The following KLHL29 variants were observed in gnomAD, a reference collection of about 807,000 sequenced individuals.
KLHL29 encodes the protein kelch-like protein 29.
In KLHL29, 21 loss-of-function variants were observed where a neutral mutation model predicts 80.4. That is an observed-to-expected ratio of 0.26 (90% CI 0.19 to 0.38). KLHL29 has a LOEUF of 0.38. Ranked by LOEUF, KLHL29 falls within the 10% of genes least tolerant of loss-of-function variation. The pLI, the probability that KLHL29 is intolerant of heterozygous loss-of-function variation, is 1.00. For missense variants in KLHL29, 867 were observed against 1,223.9 expected (o/e 0.71, Z 4.35); for synonymous variants, 511 against 526.8 (o/e 0.97, Z 0.41).
rs1319682261 is a variant in KLHL29 at position 23,696,400 on chromosome 2, C to T, written c.1992C>T (p.Asn664=). ...ACATGTCCCTGCTTGATAACTGGAA[C>T]CTCGTCTCCAGAATGACAGTCCCCC... The part of the protein sequence containing the change: ...WCYMSLLDNW[N]LVSRMTVPRC... The change falls in exon 11 of 14, where the codon AAC becomes AAT. Residue 664 remains asparagine, a synonymous_variant. Coordinates refer to ENST00000486442, the MANE Select transcript of KLHL29 (RefSeq NM_052920.2). This position sits in a 1 kb window ranked among gnomAD's most constrained non-coding sequence, Gnocchi z 5.5. The T allele has an allele frequency of 6.4e-7, 1 of 1,551,510 alleles. No individual in the cohort carries two copies. Among genetic ancestry groups the T allele is most frequent in the Non-Finnish European group, 8.7e-7 (1 of 1,146,860 alleles).
intron 2 of KLHL29, among the ~76,000 whole-genome samples, chr2:23,508,438 G>T (rs930537241): frequency 6.6e-6 from 1 of 152,218 alleles, no homozygotes; most frequent in Non-Finnish European, 1.5e-5. Context: ...GAAGCTCAGG[G>T]CCATGAGGAG....
chr2:23,409,923 G>C (rs1160140031), intron 1 of KLHL29, among the ~76,000 whole-genome samples: 1 of 152,230 alleles, frequency 6.6e-6, no homozygotes, highest in Non-Finnish European at 1.5e-5. Flanking sequence ...CATTTAAAGG[G>C]AGGGTGAGCT....
chr2:23,434,447 C>T (rs1033541996), intron 1 of KLHL29, among the ~76,000 whole-genome samples: 2 of 151,202 alleles, frequency 1.3e-5, no homozygotes, highest in Non-Finnish European at 2.9e-5. Flanking sequence ...AGGCCTTGTG[C>T]AAACCCTCCC....
chr2:23,671,480 T>A (rs1031788939), intron 5 of KLHL29, among the ~76,000 whole-genome samples: 9 of 152,136 alleles, frequency 5.9e-5, no homozygotes, highest in African/African-American at 2.2e-4. Context: ...CACATAGGAA[T>A]TTAGGCTTTG....
intron 1 of KLHL29, among the ~76,000 whole-genome samples, chr2:23,444,727 T>C (rs1202762840): frequency 6.6e-6 from 1 of 152,208 alleles, no homozygotes; most frequent in African/African-American, 2.4e-5. Context: ...ACCAATATTA[T>C]TACTAACAAT....
intron 11 of KLHL29, among the ~76,000 whole-genome samples, chr2:23,701,211 C>T (rs979311971): frequency 8.8e-5 from 2 of 22,702 alleles, no homozygotes; most frequent in African/African-American, 1.6e-4. Context: ...AGCAAACACA[C>T]CCATTCCCCT....
intron 3 of KLHL29, among the ~76,000 whole-genome samples, chr2:23,563,986 C>T (rs1297345086): frequency 1.3e-5 from 2 of 152,256 alleles, no homozygotes; most frequent in African/African-American, 4.8e-5. Flanking sequence ...CCAGTAGGGC[C>T]AGCCGCTGGA....
chr2:23,435,299 C>T (rs962430849), intron 1 of KLHL29, among the ~76,000 whole-genome samples: 1 of 152,102 alleles, frequency 6.6e-6, no homozygotes, highest in African/African-American at 2.4e-5. Flanking sequence ...CCTCAGGATA[C>T]AGGGAGCCGT....
At position 23,562,469 on chromosome 2, in the gene KLHL29, G is replaced by C; in HGVS notation, c.273G>C (p.Ala91=). The part of the protein sequence containing the change: ...ITSLVASSAS[A]VTTKAPGISK... ...GCCTCGTGGCCAGCTCTGCGTCTGC[G>C]GTCACCACCAAGGTAAGATGTGGTG... is the stretch of plus-strand genomic sequence containing the variant. The change falls in exon 3 of 14, where the codon GCG becomes GCC. Residue 91 remains alanine, a synonymous_variant. Coordinates refer to ENST00000486442, the MANE Select transcript of KLHL29 (RefSeq NM_052920.2). The surrounding 1 kb of genome is among the most constrained non-coding windows in gnomAD (Gnocchi z 4.5). The C allele has an allele frequency of 6.5e-7, 1 of 1,535,970 alleles. No homozygotes were observed. The highest frequency in any genetic ancestry group is 8.7e-7 in the Non-Finnish European group (1 of 1,146,738).
At chr2:23,542,074 G>A (rs1666854667) in intron 2 of KLHL29, among the ~76,000 whole-genome samples, 1 of 152,238 alleles carries the variant, frequency 6.6e-6, no homozygotes, top group South Asian at 2.1e-4. Flanking sequence ...ATGGCATTAA[G>A]AAGTCTAAAG....
At chr2:23,536,270 C>T (rs1262248718) in intron 2 of KLHL29, among the ~76,000 whole-genome samples, 1 of 152,174 alleles carries the variant, frequency 6.6e-6, no homozygotes, top group Non-Finnish European at 1.5e-5. Context: ...ACTTTATCGC[C>T]CCAGCAACTC....
At position 23,462,874 on chromosome 2, in the gene KLHL29, C is replaced by T. The variant is rs538424123; in HGVS notation, c.-153-12686C>T. 1.4e-3 allele frequency among the ~76,000 whole-genome samples: 211 copies of T among 152,296 alleles called. 2 individuals are homozygous for T. The highest frequency in any genetic ancestry group is 2.4e-3 in the Non-Finnish European group (160 of 68,028). ...TGCTAACCGGGCATGGTGGCTCACA[C>T]CTGTAATCCCAGCATTTTGGGAGGC... is the stretch of plus-strand genomic sequence containing the variant. On this transcript the variant is annotated intron_variant, in intron 1 of 13. Transcript: ENST00000486442.
intron 5 of KLHL29, among the ~76,000 whole-genome samples, chr2:23,650,641 A>G (rs1425868955): frequency 6.6e-6 from 1 of 152,210 alleles, no homozygotes; most frequent in Non-Finnish European, 1.5e-5. Flanking sequence ...ACCTGGGTAG[A>G]AAACACTGGG....
intron 3 of KLHL29, among the ~76,000 whole-genome samples, chr2:23,621,547 GA>G (rs1310144510): frequency 1.3e-5 from 2 of 151,614 alleles, no homozygotes; most frequent in African/African-American, 4.8e-5. Context: ...AGGAGGAGAT[GA>G]GGGGGAGGGG....
intron 2 of KLHL29, among the ~76,000 whole-genome samples, chr2:23,521,120 G>A (rs1174243283): frequency 2.6e-5 from 4 of 151,882 alleles, no homozygotes; most frequent in East Asian, 1.9e-4. Flanking sequence ...TCCTGTATCC[G>A]TCTATCTGCC....
At chr2:23,657,272 G>T (rs1670273025) in intron 5 of KLHL29, among the ~76,000 whole-genome samples, 1 of 152,222 alleles carries the variant, frequency 6.6e-6, no homozygotes, top group Non-Finnish European at 1.5e-5. Context: ...TAGATTCTGA[G>T]GACGAAGGCA....
intron 1 of KLHL29, among the ~76,000 whole-genome samples, chr2:23,472,925 TA>T (rs1472315845): frequency 6.6e-6 from 1 of 152,188 alleles, no homozygotes; most frequent in Non-Finnish European, 1.5e-5. Context: ...TTCAAATGTG[TA>T]ATTTGGAGAG....
chr2:23,537,648 G>A (rs1322041913), intron 2 of KLHL29, among the ~76,000 whole-genome samples: 3 of 152,298 alleles, frequency 2.0e-5, no homozygotes, highest in African/African-American at 7.2e-5. Context: ...GAAGTAGGAG[G>A]CCCCATCTGG....
intron 3 of KLHL29, among the ~76,000 whole-genome samples, chr2:23,601,555 A>C (rs1438455108): frequency 1.3e-5 from 2 of 152,230 alleles, no homozygotes; most frequent in African/African-American, 4.8e-5. Flanking sequence ...AAACGAGACC[A>C]GGCCAGGGTC....
Sources: allele counts gnomAD v4.1 joint callset (sites outside exome capture counted in the v4.1 genomes callset), GRCh38; gene constraint gnomAD v4.1.1; non-coding constraint Gnocchi (gnomAD v3.1); transcripts MANE v1.5; gene names NCBI Gene and HGNC (gene_info 2026-07-23, HGNC 2026-07-21).